Variants in MANBA observed in about 807,000 individuals in gnomAD.
The protein encoded by MANBA is beta-mannosidase.
In MANBA, 83 loss-of-function variants were observed where a neutral mutation model predicts 111.1. The ratio of observed to expected loss-of-function variants is 0.75; its 90% CI spans 0.63 to 0.90. The LOEUF is 0.90. Ranked by LOEUF, MANBA falls within the 40% of genes least tolerant of loss-of-function variation. The pLI, the probability that MANBA is intolerant of heterozygous loss-of-function variation, is 0.00. For synonymous variants in MANBA, 370 were observed against 378.7 expected (o/e 0.98, Z 0.27); for missense variants, 1,036 against 1,069.0 (o/e 0.97, Z 0.43).
rs1578968746 is a variant in MANBA at position 102,760,857 on chromosome 4, C to G, written c.38G>C (p.Gly13Ala). The change falls in exon 1 of 17, where the codon GGT becomes GCT. Residue 13 changes from glycine (G) to alanine (A), a missense_variant. By Grantham distance (60) the Gly-to-Ala change is moderately conservative. Transcript: ENST00000647097. ...LHLLLLLALC[G>A]AGTTAAELSY... Reference sequence around the variant, plus strand: ...GAGCTCCGCGGCGGTGGTGCCTGCACCGCACAGCGCGAGCAGCAGGAGCAG... The same window carrying G: ...GAGCTCCGCGGCGGTGGTGCCTGCAGCGCACAGCGCGAGCAGCAGGAGCAG... 1 of 1,571,746 alleles carries G rather than the reference C, an allele frequency of 6.4e-7. No homozygotes were observed. Among genetic ancestry groups the G allele is most frequent in the Non-Finnish European group, 8.6e-7 (1 of 1,159,876 alleles).
intron 1 of MANBA, chr4:102,728,109 C>A: frequency 1.9e-6 from 1 of 536,576 alleles, no homozygotes; most frequent in Non-Finnish European, 3.8e-6. Flanking sequence ...AAGACTGCTG[C>A]CTTATGCTCT....
At position 102,689,660 on chromosome 4, in the gene MANBA, GCCA is replaced by G; in HGVS notation, c.871_873del (p.Trp291del). The G allele has an allele frequency of 6.2e-7, 1 of 1,604,448 alleles. No individual in the cohort carries two copies. The highest frequency in any genetic ancestry group is 8.5e-7 in the Non-Finnish European group (1 of 1,171,632). On this transcript the variant is annotated inframe_deletion, in exon 7 of 17. Transcript: ENST00000647097. ...CCAGTCTGGTTTCCATGTCCATGAG[GCCA>G]CCAAGTTTCTACAGTAATATTCTTT...
chr4:102,655,012 A>G (rs1397479184), intron 12 of MANBA, among the ~76,000 whole-genome samples: 1 of 152,218 alleles, frequency 6.6e-6, no homozygotes, highest in Non-Finnish European at 1.5e-5. Flanking sequence ...TTCAAGCGCA[A>G]TATACAAAAA....
intron 1 of MANBA, chr4:102,734,292 A>G: frequency 1.4e-6 from 2 of 1,463,454 alleles, no homozygotes; most frequent in South Asian, 1.3e-5. Context: ...GAAGGGCAGC[A>G]GCGTGAGAGT....
At chr4:102,690,077 G>C (rs919568322) in intron 6 of MANBA, among the ~76,000 whole-genome samples, 3 of 151,968 alleles carry the variant, frequency 2.0e-5, no homozygotes, top group Non-Finnish European at 4.4e-5. Context: ...AACAGCTACT[G>C]AATGTTATTT....
intron 1 of MANBA, among the ~76,000 whole-genome samples, chr4:102,749,948 C>G (rs542267526): frequency 1.3e-5 from 2 of 152,274 alleles, no homozygotes; most frequent in East Asian, 3.9e-4. Context: ...CCTAAATACA[C>G]CTCATGTGGC....
At chr4:102,658,550 G>T (rs1046607721) in intron 11 of MANBA, among the ~76,000 whole-genome samples, 2 of 152,210 alleles carry the variant, frequency 1.3e-5, no homozygotes, top group African/African-American at 4.8e-5. Context: ...GATAATAATA[G>T]TACCTCCTTT....
chr4:102,753,484 G>A (rs1055088260), intron 1 of MANBA, among the ~76,000 whole-genome samples: 1 of 152,088 alleles, frequency 6.6e-6, no homozygotes, highest in African/African-American at 2.4e-5. Context: ...CATGATAAAA[G>A]TAATATATCA....
At chr4:102,704,095 GA>G (rs749948100) in intron 5 of MANBA, among the ~76,000 whole-genome samples, 9 of 143,428 alleles carry the variant, frequency 6.3e-5, no homozygotes, top group South Asian at 4.4e-4. Flanking sequence ...ACTCTATCTC[GA>G]AAAAAAAAAA....
chr4:102,698,308 C>A (rs1226254001), intron 5 of MANBA, among the ~76,000 whole-genome samples: 2 of 151,620 alleles, frequency 1.3e-5, no homozygotes, highest in Admixed American at 1.3e-4. Context: ...TTGTGGGTTG[C>A]CTGTTCACTC....
intron 5 of MANBA, among the ~76,000 whole-genome samples, chr4:102,698,798 C>G (rs1406701437): frequency 6.6e-6 from 1 of 150,818 alleles, no homozygotes; most frequent in East Asian, 1.9e-4. Context: ...TGTGATGCCT[C>G]CAGCTTTGTT....
chr4:102,631,599 A>G lies in MANBA; in HGVS notation c.*458T>C. 2.4e-6 allele frequency: 1 copy of G among 411,906 alleles called. No individual in the cohort carries two copies. The highest frequency in any genetic ancestry group is 4.3e-6 in the Non-Finnish European group (1 of 234,108). The allele number at this position is 411,906 out of a possible 1,614,324, so 25.5% of individuals were successfully genotyped here. On this transcript the variant is annotated 3_prime_UTR_variant, in exon 17 of 17. Transcript: ENST00000647097. Reference sequence around the variant, plus strand: ...GCTACCACCAAGAAATCTCTGTTGTAACATTTCAATCGCCATTCCCTCTGA... The same window carrying G: ...GCTACCACCAAGAAATCTCTGTTGTGACATTTCAATCGCCATTCCCTCTGA...
intron 1 of MANBA, 149 bp from the exon 2 acceptor site, chr4:102,726,832 C>G (rs937631208): frequency 1.7e-5 from 10 of 596,604 alleles, no homozygotes; most frequent in Non-Finnish European, 2.9e-5. Context: ...GGGGACAGAT[C>G]GTTAATACTG....
intron 12 of MANBA, among the ~76,000 whole-genome samples, chr4:102,652,596 C>T (rs1730385392): frequency 6.6e-6 from 1 of 152,022 alleles, no homozygotes; most frequent in Admixed American, 6.5e-5. Context: ...TTATTTGGTA[C>T]TCATAAAAAC....
At chr4:102,757,110 G>A (rs112763556) in intron 1 of MANBA, among the ~76,000 whole-genome samples, 2,660 of 152,096 alleles carry the variant, frequency 0.017, 72 homozygotes, top group African/African-American at 0.054. Flanking sequence ...CAGGTGGATG[G>A]CCTGAGGTTG....
chr4:102,741,119 C>T (rs1723387043), intron 1 of MANBA, among the ~76,000 whole-genome samples: 1 of 151,936 alleles, frequency 6.6e-6, no homozygotes, highest in Non-Finnish European at 1.5e-5. Flanking sequence ...CAAATAATCC[C>T]ATCAAAAAGT....
At chr4:102,736,923 CCAAA>C (rs1477559877) in intron 1 of MANBA, among the ~76,000 whole-genome samples, 3 of 152,224 alleles carry the variant, frequency 2.0e-5, no homozygotes, top group African/African-American at 7.2e-5. Flanking sequence ...ATGTCTGCCT[CCAAA>C]CACACATCCC....
chr4:102,695,686 G>A (rs752992757), intron 5 of MANBA, among the ~76,000 whole-genome samples: 4 of 152,150 alleles, frequency 2.6e-5, no homozygotes, highest in Non-Finnish European at 5.9e-5. Flanking sequence ...AAGGGTCCAG[G>A]TTTCCTAACT....
intron 11 of MANBA, among the ~76,000 whole-genome samples, chr4:102,661,612 A>G (rs1002847322): frequency 3.3e-5 from 5 of 152,242 alleles, no homozygotes; most frequent in African/African-American, 1.2e-4. Context: ...ATTTCCCTTC[A>G]TTCCTTGAGA....
Sources: gnomAD v4.1 joint callset for allele counts (sites outside exome capture counted in the v4.1 genomes callset) on GRCh38, gnomAD v4.1.1 for gene constraint, MANE v1.5 for transcripts, NCBI Gene and HGNC (gene_info 2026-07-23, HGNC 2026-07-21) for gene names.